TDRD3: variants seen among roughly 807,000 people sequenced by gnomAD.
TDRD3 encodes the protein tudor domain-containing protein 3.
Under a neutral mutation model 86.7 loss-of-function variants are expected in TDRD3, and 45 were observed. The ratio of observed to expected loss-of-function variants is 0.52; its 90% CI spans 0.41 to 0.67. TDRD3 has a LOEUF of 0.67. Ranked by LOEUF, TDRD3 falls within the 30% of genes least tolerant of loss-of-function variation. TDRD3 has a pLI of 0.00. For synonymous variants in TDRD3, 298 were observed against 301.7 expected (o/e 0.99, Z 0.13); for missense variants, 814 against 889.0 (o/e 0.92, Z 1.07).
chr13:60,448,348 A>G (rs1255020872), intron 3 of TDRD3, among the ~76,000 whole-genome samples: 1 of 152,160 alleles, frequency 6.6e-6, no homozygotes, highest in Non-Finnish European at 1.5e-5. Context: ...AATAATTGCT[A>G]CTATCATTGA....
At chr13:60,460,680 C>G in intron 4 of TDRD3, 140 bp downstream of exon 4, 1 of 745,136 alleles carries the variant, frequency 1.3e-6, no homozygotes, top group Non-Finnish European at 2.0e-6. Context: ...TAGAGCTTTT[C>G]TGCATTTCTG....
chr13:60,435,854 C>T (rs544163446), intron 1 of TDRD3, among the ~76,000 whole-genome samples: 74 of 149,382 alleles, frequency 5.0e-4, no homozygotes, highest in African/African-American at 1.7e-3. Flanking sequence ...TACTGTTTTC[C>T]GTAGTGGTTG....
At chr13:60,547,467 C>A in intron 12 of TDRD3, 1 of 935,440 alleles carries the variant, frequency 1.1e-6, no homozygotes, top group Non-Finnish European at 1.3e-6. Flanking sequence ...CCTGGCTCTG[C>A]CACTTACTAC....
At chr13:60,416,295 T>TA (rs1954513147) in intron 1 of TDRD3, among the ~76,000 whole-genome samples, 1 of 152,144 alleles carries the variant, frequency 6.6e-6, no homozygotes, top group Admixed American at 6.5e-5. Context: ...ATTTTTTTTT[T>TA]AACTAAGGAA....
At chr13:60,458,321 T>G (rs1325481025) in intron 3 of TDRD3, among the ~76,000 whole-genome samples, 10 of 152,196 alleles carry the variant, frequency 6.6e-5, no homozygotes. Flanking sequence ...TGAGTAAAAC[T>G]AGGTAATGTA....
At position 60,439,771 on chromosome 13, in the gene TDRD3, A is replaced by G. The variant is rs1422463734; in HGVS notation, c.125A>G (p.Asn42Ser). The G allele has an allele frequency of 1.3e-6, 2 of 1,522,072 alleles. No homozygotes were observed. Among genetic ancestry groups the G allele is most frequent in the Admixed American group, 2.2e-5 (1 of 45,170 alleles). The allele number at this position is 1,522,072 out of a possible 1,614,324, so 94.3% of individuals were successfully genotyped here. A position where few individuals can be genotyped will look rare whatever the true frequency, so the allele number is the denominator to read the frequency against. Residue 42 changes from asparagine to serine, a missense_variant and splice_region_variant, in exon 2 of 14, where the codon AAT (asparagine) becomes AGT (serine). By Grantham distance (46) the Asn-to-Ser change is conservative. Coordinates refer to ENST00000377881, the MANE Select transcript of TDRD3 (RefSeq NM_001146070.2). Reference protein sequence around the residue: ...NVNDIILIALNTDLRTIGKKF... With the variant: ...NVNDIILIALSTDLRTIGKKF... ...AATGACATCATCCTGATTGCTCTCA[A>G]TGTAGGTTATATTTATTAACTTGTA...
chr13:60,474,895 T>C (rs1317099449), intron 5 of TDRD3, among the ~76,000 whole-genome samples: 1 of 151,954 alleles, frequency 6.6e-6, no homozygotes, highest in African/African-American at 2.4e-5. Context: ...GTTTTTTTTT[T>C]CTTTACTTTT....
intron 4 of TDRD3, among the ~76,000 whole-genome samples, chr13:60,461,570 C>CACTTAATATAAACT (rs1201119258): frequency 1.3e-5 from 2 of 152,090 alleles, no homozygotes; most frequent in East Asian, 3.9e-4. Context: ...TCGGGCTCCT[C>CACTTAATATAAACT]TAAGCTTTTT....
chr13:60,400,580 C>CA (rs560187838), intron 1 of TDRD3, among the ~76,000 whole-genome samples: 2 of 151,684 alleles, frequency 1.3e-5, no homozygotes, highest in Admixed American at 1.3e-4. Context: ...ACTAAAAATA[C>CA]AAAAAAATTA....
chr13:60,405,898 C>T (rs1954221917), intron 1 of TDRD3, among the ~76,000 whole-genome samples: 1 of 152,228 alleles, frequency 6.6e-6, no homozygotes, highest in Non-Finnish European at 1.5e-5. Flanking sequence ...AGCAGATCGA[C>T]TTGACAGATA....
At chr13:60,516,896 C>G (rs1051578223) in intron 10 of TDRD3, among the ~76,000 whole-genome samples, 4 of 152,188 alleles carry the variant, frequency 2.6e-5, no homozygotes, top group African/African-American at 9.6e-5. Flanking sequence ...TTTCAAACCA[C>G]AAATTTGATC....
chr13:60,560,157 G>A (rs969396849), intron 12 of TDRD3, among the ~76,000 whole-genome samples: 10 of 152,054 alleles, frequency 6.6e-5, no homozygotes, highest in Admixed American at 6.6e-4. Flanking sequence ...AGAACTTCAG[G>A]TGTACAGCCT....
Position 60,494,510 on chromosome 13 carries a change from G to GC in TDRD3, c.793_794insC (p.Glu265AlafsTer16). 6.2e-7 allele frequency: 1 copy of GC among 1,613,758 alleles called. No homozygotes were observed. Among genetic ancestry groups the GC allele is most frequent in the Non-Finnish European group, 8.5e-7 (1 of 1,179,838 alleles). ...GAATGCTGCTGGTAACCGAAATAGG[G>GC]AAGTTTTACAGAAAGAAAAGTCAAC... On this transcript the variant is annotated frameshift_variant, in exon 8 of 14. Coordinates refer to ENST00000377881, the MANE Select transcript of TDRD3 (RefSeq NM_001146070.2). LOFTEE classifies it high-confidence loss of function.
chr13:60,397,219 C>T (rs979562594), upstream of TDRD3: 2 of 443,432 alleles, frequency 4.5e-6, no homozygotes, highest in Non-Finnish European at 7.6e-6. Flanking sequence ...GCGCCGGCCG[C>T]ACTGAGCATG....
rs75337042 is a variant in TDRD3 at position 60,442,734 on chromosome 13, C to G, written c.127-1949C>G. On this transcript the variant is annotated intron_variant, in intron 2 of 13. Transcript: ENST00000377881. ...TTTGAGCGTGTAGTCTTTTTTTAGC[C>G]TGACAACAACTTTGTGAGATAGGAT... 2.9e-3 allele frequency among the ~76,000 whole-genome samples: 448 copies of G among 151,930 alleles called. 8 individuals carry two copies. The highest frequency in any genetic ancestry group is 0.015 in the South Asian group (74 of 4,814).
chr13:60,526,935 A>G (rs35059725), intron 10 of TDRD3, among the ~76,000 whole-genome samples: 20,966 of 151,972 alleles, frequency 0.14, 1,529 homozygotes, highest in East Asian at 0.2. Context: ...CCCAGGTTCA[A>G]GCGATTCTCT....
intron 1 of TDRD3, among the ~76,000 whole-genome samples, chr13:60,407,722 A>G (rs1954267453): frequency 6.6e-6 from 1 of 152,210 alleles, no homozygotes; most frequent in African/African-American, 2.4e-5. Flanking sequence ...CTGTTTTCAG[A>G]ACTATTTCTT....
intron 4 of TDRD3, among the ~76,000 whole-genome samples, chr13:60,465,478 T>G (rs1955898345): frequency 6.6e-6 from 1 of 152,208 alleles, no homozygotes; most frequent in Admixed American, 6.5e-5. Context: ...CATGACCATT[T>G]GTTTTGTCAG....
At chr13:60,496,345 C>T (rs1956719662) in intron 8 of TDRD3, among the ~76,000 whole-genome samples, 1 of 63,018 alleles carries the variant, frequency 1.6e-5, no homozygotes, top group Non-Finnish European at 3.0e-5. Context: ...ATATATATAT[C>T]CTCTAAAGTT....
Sources: gnomAD v4.1 joint callset for allele counts (sites outside exome capture counted in the v4.1 genomes callset) on GRCh38, gnomAD v4.1.1 for gene constraint, MANE v1.5 for transcripts, NCBI Gene and HGNC (gene_info 2026-07-23, HGNC 2026-07-21) for gene names.